Variants in FMN2 observed in about 807,000 individuals in gnomAD.
FMN2 encodes the protein formin 2, also known as formin-2.
In FMN2, 51 loss-of-function variants were observed where a neutral mutation model predicts 142.3. The observed-to-expected ratio is 0.36, with a 90% CI of 0.29 to 0.45. FMN2 has a LOEUF of 0.45. Ranked by LOEUF, FMN2 falls within the 20% of genes least tolerant of loss-of-function variation. The pLI is 1.00. For synonymous variants in FMN2, 882 were observed against 869.8 expected (o/e 1.01, Z -0.25); for missense variants, 1,936 against 2,122.8 (o/e 0.91, Z 1.73).
At chr1:240,337,244 T>C (rs1444638623) in intron 13 of FMN2, among the ~76,000 whole-genome samples, 1 of 148,070 alleles carries the variant, frequency 6.8e-6, no homozygotes, top group African/African-American at 2.5e-5. Context: ...AGTCTTGCTC[T>C]GTCACCCAGG....
intron 15 of FMN2, among the ~76,000 whole-genome samples, chr1:240,404,325 A>G (rs1674080597): frequency 6.6e-6 from 1 of 152,188 alleles, no homozygotes; most frequent in Non-Finnish European, 1.5e-5. Flanking sequence ...TAATAGGCAT[A>G]TTTTCCAGAA....
chr1:240,445,870 T>C (rs1289266352), intron 16 of FMN2, among the ~76,000 whole-genome samples: 1 of 152,004 alleles, frequency 6.6e-6, no homozygotes, highest in Non-Finnish European at 1.5e-5. Flanking sequence ...CAGACTGGGG[T>C]GAAGGCAGTA....
chr1:240,441,775 C>T (rs1675630239), intron 16 of FMN2, among the ~76,000 whole-genome samples: 1 of 152,016 alleles, frequency 6.6e-6, no homozygotes, highest in African/African-American at 2.4e-5. Context: ...CCTTTCCCCT[C>T]TTTGTGTCTC....
intron 6 of FMN2, among the ~76,000 whole-genome samples, chr1:240,219,961 C>T (rs1468860175): frequency 6.6e-6 from 1 of 152,058 alleles, no homozygotes; most frequent in Admixed American, 6.6e-5. Flanking sequence ...GCCCAGACAA[C>T]GAAATGGAAG....
At chr1:240,203,788 C>G (rs192621603) in intron 4 of FMN2, among the ~76,000 whole-genome samples, 11 of 152,248 alleles carry the variant, frequency 7.2e-5, no homozygotes, top group African/African-American at 2.4e-4. Flanking sequence ...CCTGCATGTC[C>G]TGCACATGTA....
intron 13 of FMN2, among the ~76,000 whole-genome samples, chr1:240,338,767 A>T (rs1671650216): frequency 6.6e-6 from 1 of 152,204 alleles, no homozygotes; most frequent in Admixed American, 6.5e-5. Context: ...TTTCAGGATG[A>T]TTCGAGGGCA....
intron 2 of FMN2, among the ~76,000 whole-genome samples, chr1:240,154,499 C>T (rs1168024813): frequency 6.6e-6 from 1 of 152,080 alleles, no homozygotes. Flanking sequence ...GTGAGCAATT[C>T]CAGTTGGCAG....
intron 16 of FMN2, among the ~76,000 whole-genome samples, chr1:240,469,877 C>A (rs192828438): frequency 6.6e-6 from 1 of 152,242 alleles, no homozygotes; most frequent in African/African-American, 2.4e-5. Context: ...GGACCTCGAG[C>A]TAATGCTTCA....
chr1:240,394,981 T>G (rs1204720337), intron 15 of FMN2, among the ~76,000 whole-genome samples: 1 of 151,948 alleles, frequency 6.6e-6, no homozygotes, highest in Non-Finnish European at 1.5e-5. Flanking sequence ...AATAAGTAAA[T>G]AAATAAATTT....
chr1:240,463,038 A>C (rs1360483854), intron 16 of FMN2, among the ~76,000 whole-genome samples: 1 of 152,176 alleles, frequency 6.6e-6, no homozygotes, highest in Non-Finnish European at 1.5e-5. Context: ...ACAGAGAATA[A>C]GGGGAGATTA....
chr1:240,141,739 A>C (rs1157898167), intron 2 of FMN2, among the ~76,000 whole-genome samples: 1 of 152,150 alleles, frequency 6.6e-6, no homozygotes, highest in Non-Finnish European at 1.5e-5. Flanking sequence ...CTATGTTTGC[A>C]TTTTGTGCAA....
intron 1 of FMN2, among the ~76,000 whole-genome samples, chr1:240,115,203 A>C (rs1661975408): frequency 6.6e-6 from 1 of 152,184 alleles, no homozygotes; most frequent in Non-Finnish European, 1.5e-5. Context: ...CTGTAATAGC[A>C]TGGCTTTTAA....
chr1:240,095,134 TAGA>T (rs1661153024), intron 1 of FMN2, among the ~76,000 whole-genome samples: 2 of 152,324 alleles, frequency 1.3e-5, no homozygotes, highest in South Asian at 2.1e-4. Context: ...TCACTTTTGA[TAGA>T]AGAAGATTGG....
chr1:240,347,767 C>T (rs991342699), intron 13 of FMN2, among the ~76,000 whole-genome samples: 4 of 152,138 alleles, frequency 2.6e-5, no homozygotes, highest in Non-Finnish European at 4.4e-5. Context: ...TGTTTAGCTC[C>T]CACTTGTAAG....
chr1:240,320,070 A>G (rs1413666068), intron 8 of FMN2, among the ~76,000 whole-genome samples: 2 of 152,186 alleles, frequency 1.3e-5, no homozygotes, highest in African/African-American at 2.4e-5. Flanking sequence ...GAAAGCATCC[A>G]GGTTAGCAGC....
intron 14 of FMN2, among the ~76,000 whole-genome samples, chr1:240,370,857 A>G (rs944012289): frequency 1.3e-5 from 2 of 152,260 alleles, no homozygotes; most frequent in African/African-American, 2.4e-5. Flanking sequence ...ATAAATTATT[A>G]AAGTGTGCGA....
chr1:240,401,225 G>A (rs1453226258), intron 15 of FMN2: 1 of 151,748 alleles, frequency 6.6e-6, no homozygotes, highest in Non-Finnish European at 1.5e-5. Flanking sequence ...CCTAGAGGGA[G>A]AGGAGAGCTA....
chr1:240,131,439 G>A (rs1391920733), intron 2 of FMN2, among the ~76,000 whole-genome samples: 1 of 152,076 alleles, frequency 6.6e-6, no homozygotes, highest in Non-Finnish European at 1.5e-5. Flanking sequence ...GGGTGCGGTG[G>A]CTCACACGCC....
At chr1:240,270,258 T>G (rs1192671389) in intron 7 of FMN2, among the ~76,000 whole-genome samples, 1 of 152,044 alleles carries the variant, frequency 6.6e-6, no homozygotes, top group Non-Finnish European at 1.5e-5. Context: ...GCCAAGGATG[T>G]GGGGAAAAGA....
Sources: allele counts gnomAD v4.1 joint callset (sites outside exome capture counted in the v4.1 genomes callset), GRCh38; gene constraint gnomAD v4.1.1; transcripts MANE v1.5; gene names NCBI Gene and HGNC (gene_info 2026-07-23, HGNC 2026-07-21).